GANC: variants seen among roughly 807,000 people sequenced by gnomAD.
GANC encodes glucosidase alpha, neutral C.
Under a neutral mutation model 124.2 loss-of-function variants are expected in GANC, and 117 were observed. The ratio of observed to expected loss-of-function variants is 0.94; its 90% CI spans 0.81 to 1.10. The LOEUF is 1.10. GANC is among the 50% of genes least tolerant of loss of function. The probability of loss-of-function intolerance (pLI) is 0.00; values close to 1 mark genes in which losing one functional copy is unlikely to be tolerated. For missense variants in GANC, 1,140 were observed against 1,095.0 expected (o/e 1.04, Z -0.58); for synonymous variants, 377 against 376.8 (o/e 1.00, Z -0.01).
chr15:42,332,629 G>A (rs909589938), intron 15 of GANC, among the ~76,000 whole-genome samples: 4 of 152,020 alleles, frequency 2.6e-5, no homozygotes, highest in African/African-American at 9.7e-5. Context: ...GTCTCCATAC[G>A]GATTTCAAAA....
chr15:42,293,005 T>C lies in GANC; in HGVS notation c.512+88T>C, dbSNP rs535122457. The C allele has an allele frequency of 7.0e-5, 91 of 1,296,666 alleles. No homozygotes were observed. The East Asian group carries it at 1.8e-3, about 25-fold the overall frequency. The allele number at this position is 1,296,666 out of a possible 1,614,324, so 80.3% of individuals were successfully genotyped here. A position where few individuals can be genotyped will look rare whatever the true frequency, so the allele number is the denominator to read the frequency against. On this transcript the variant is annotated intron_variant, in intron 5 of 23. Transcript: ENST00000318010. The stretch of plus-strand genomic sequence containing the variant: ...TGCCTAAATAGATAACATAGCACCA[T>C]AGAAAATTGGTTTGCCTTATTTGCT...
At chr15:42,344,034 G>T (rs2141078270) in intron 19 of GANC, among the ~76,000 whole-genome samples, 1 of 152,326 alleles carries the variant, frequency 6.6e-6, no homozygotes, top group South Asian at 2.1e-4. Context: ...AGGTAGCTGA[G>T]CCAGGCCACG....
chr15:42,297,678 A>G (rs377562649), intron 6 of GANC, 22 bp downstream of exon 6: 21 of 1,562,464 alleles, frequency 1.3e-5, no homozygotes, highest in Non-Finnish European at 1.6e-5. Context: ...TGATCCATTT[A>G]TTGTTATCTT....
At chr15:42,294,715 C>T (rs1270765233) in intron 5 of GANC, among the ~76,000 whole-genome samples, 2 of 151,378 alleles carry the variant, frequency 1.3e-5, no homozygotes, top group South Asian at 2.1e-4. Context: ...CATTATTCTA[C>T]ACCTTGCTTT....
chr15:42,320,484 T>C (rs1427254779), intron 10 of GANC, among the ~76,000 whole-genome samples: 1 of 152,192 alleles, frequency 6.6e-6, no homozygotes, highest in East Asian at 1.9e-4. Flanking sequence ...AATCTCACTC[T>C]GTTGCCCAGG....
At position 42,310,289 on chromosome 15, in the gene GANC, A is replaced by C. The variant is rs746447294; in HGVS notation, c.729A>C (p.Gly243=). ...GATAATCTTTGTGTTTCAGTGATGG[A>C]GATGCTTACCGTCTTTATAACCTGG... The part of the protein sequence containing the change: ...ESHQLKNTGD[G]DAYRLYNLDV... Residue 243 remains glycine (G), a synonymous_variant, in exon 9 of 24, where the codon GGA becomes GGC. Coordinates refer to ENST00000318010, the MANE Select transcript of GANC (RefSeq NM_198141.3). 1 of 1,587,570 alleles carries C rather than the reference A, an allele frequency of 6.3e-7. No homozygotes were observed. Among genetic ancestry groups the C allele is most frequent in the South Asian group, 1.1e-5 (1 of 87,310 alleles).
intron 15 of GANC, among the ~76,000 whole-genome samples, chr15:42,335,599 T>C (rs2052277648): frequency 6.6e-6 from 1 of 152,078 alleles, no homozygotes; most frequent in Admixed American, 6.6e-5. Flanking sequence ...CAAAATGATA[T>C]TGGAAGAAGT....
chr15:42,339,992 T>A lies in GANC; in HGVS notation c.2087+80T>A, dbSNP rs1221433540. 4.7e-6 allele frequency: 7 copies of A among 1,478,198 alleles called. No individual in the cohort carries two copies. In the African/African-American group the frequency reaches 8.5e-5, roughly 18 times the overall value. 91.6% of individuals were successfully genotyped at this position (1,478,198 alleles called of 1,614,324 possible). On this transcript the variant is annotated intron_variant, in intron 17 of 23. Transcript: ENST00000318010. The stretch of plus-strand genomic sequence containing the variant: ...CTCAGTGATTAAAGAATGCAATAAT[T>A]ACAGTGATTTCAAGAGAAAGGTGAA...
At chr15:42,311,510 A>G (rs4924660) in intron 10 of GANC, among the ~76,000 whole-genome samples, 110,341 of 152,098 alleles carry the variant, frequency 0.73, 42,900 homozygotes, top group Non-Finnish European at 0.87. Context: ...AAACTGGGCA[A>G]TTTATAAAGA....
chr15:42,349,525 T>C (rs758008494), intron 22 of GANC, 30 bp downstream of exon 22: 79 of 1,291,640 alleles, frequency 6.1e-5, no homozygotes, highest in Non-Finnish European at 8.8e-5. Context: ...CTGTTTGTTT[T>C]CTTAAGTAAA....
chr15:42,275,688 A>G (rs2051664409), intron 1 of GANC, among the ~76,000 whole-genome samples: 1 of 152,174 alleles, frequency 6.6e-6, no homozygotes, highest in African/African-American at 2.4e-5. Flanking sequence ...GTTTTATCCC[A>G]GAAACAGCTC....
chr15:42,283,476 T>A, intron 3 of GANC: 1 of 607,046 alleles, frequency 1.6e-6, no homozygotes, highest in Non-Finnish European at 2.9e-6. Flanking sequence ...AAGGAAAATG[T>A]ATGCTGTCTT....
chr15:42,351,760 G>T (rs1287652714), intron 23 of GANC, among the ~76,000 whole-genome samples: 5 of 152,208 alleles, frequency 3.3e-5, no homozygotes. Flanking sequence ...GAAAGGGCAG[G>T]ATGGGACTTA....
chr15:42,301,018 C>A (rs1332523702), intron 6 of GANC, among the ~76,000 whole-genome samples: 35 of 140,084 alleles, frequency 2.5e-4, no homozygotes, highest in East Asian at 4.1e-4. Context: ...AACTCCATCT[C>A]AAAAAAAAAA....
chr15:42,324,263 TAAAAAA>T (rs144756412), intron 11 of GANC, among the ~76,000 whole-genome samples: 1 of 147,254 alleles, frequency 6.8e-6, no homozygotes, highest in African/African-American at 2.5e-5. Flanking sequence ...GACTACTATT[TAAAAAA>T]AAAACAAAAT....
intron 10 of GANC, among the ~76,000 whole-genome samples, chr15:42,320,162 G>A (rs867062357): frequency 3.9e-5 from 6 of 152,054 alleles, no homozygotes; most frequent in East Asian, 1.9e-4. Context: ...CAGCCTGGGC[G>A]ACAGAGCTAA....
chr15:42,321,694 T>G, intron 10 of GANC, 91 bp from the exon 11 acceptor site: 5 of 1,111,664 alleles, frequency 4.5e-6, no homozygotes, highest in Non-Finnish European at 5.4e-6. Flanking sequence ...AGCTCAGTGC[T>G]GAATACTCTG....
At chr15:42,316,834 C>T (rs532050773) in intron 10 of GANC, among the ~76,000 whole-genome samples, 3 of 152,312 alleles carry the variant, frequency 2.0e-5, no homozygotes, top group Admixed American at 6.5e-5. Flanking sequence ...AGCCCTCAAG[C>T]GGCCCTTATG....
chr15:42,292,833 TG>T lies in GANC; in HGVS notation c.430del (p.Val144CysfsTer7), dbSNP rs1286650652. 18 of 1,614,046 alleles carry T rather than the reference TG, an allele frequency of 1.1e-5. No homozygotes were observed. Among genetic ancestry groups the T allele is most frequent in the Non-Finnish European group, 1.5e-5 (18 of 1,180,012 alleles). On this transcript the variant is annotated frameshift_variant, in exon 5 of 24. Transcript: ENST00000318010. LOFTEE classifies it high-confidence loss of function. Reference sequence around the variant, plus strand: ...ACAGCAAACCCATTCAAGGTAGACTTGGTGTCTGAAGAAGAGGTTGTGATTA... The same window carrying T: ...ACAGCAAACCCATTCAAGGTAGACTTGTGTCTGAAGAAGAGGTTGTGATTA... The part of the protein sequence containing the change: ...HITANPFKVD[L>X]VSEEEVVISI...
Sources: allele counts gnomAD v4.1 joint callset (sites outside exome capture counted in the v4.1 genomes callset), GRCh38; gene constraint gnomAD v4.1.1; transcripts MANE v1.5; gene names NCBI Gene and HGNC (gene_info 2026-07-23, HGNC 2026-07-21).